YTHDC2: variants seen among roughly 807,000 people sequenced by gnomAD.
YTHDC2 encodes 3'-5' RNA helicase YTHDC2.
Under a neutral mutation model 174.9 loss-of-function variants are expected in YTHDC2, and 45 were observed. The ratio of observed to expected loss-of-function variants is 0.26; its 90% CI spans 0.20 to 0.33. The LOEUF is 0.33. YTHDC2 is among the 10% of genes least tolerant of loss of function. The pLI, the probability that YTHDC2 is intolerant of heterozygous loss-of-function variation, is 1.00. For missense variants in YTHDC2, 1,650 were observed against 1,723.7 expected, an observed-to-expected ratio of 0.96 and a Z score of 0.76; for synonymous variants, 657 against 574.5, an observed-to-expected ratio of 1.14 and a Z score of -2.05.
chr5:113,590,596 T>C (rs1778954695), intron 26 of YTHDC2, among the ~76,000 whole-genome samples: 1 of 152,214 alleles, frequency 6.6e-6, no homozygotes, highest in Admixed American at 6.5e-5. Flanking sequence ...TCTAAGATAG[T>C]ACATTGCCAT....
chr5:113,552,064 T>C (rs1366975004), intron 12 of YTHDC2, among the ~76,000 whole-genome samples: 1 of 152,154 alleles, frequency 6.6e-6, no homozygotes. Flanking sequence ...CTGAGTTTTT[T>C]AAAAATGTGA....
intron 6 of YTHDC2, among the ~76,000 whole-genome samples, chr5:113,535,422 C>T (rs1298301143): frequency 3.3e-5 from 5 of 152,034 alleles, no homozygotes; most frequent in Non-Finnish European, 7.4e-5. Flanking sequence ...AACCATTCAC[C>T]CACAGATGCC....
rs1425442589 is a variant in YTHDC2, at chr5:113,529,883, A to AT, written c.676-2995dup. ...CAATATTTTTCTAGGGCTTTGGGGC[A>AT]TGTTAAGAGAGGCATTTCCTACCCT... On this transcript the variant is annotated intron_variant, in intron 4 of 29. Coordinates refer to ENST00000161863, the MANE Select transcript of YTHDC2 (RefSeq NM_022828.5). Among the ~76,000 whole-genome samples, 17 of 152,174 alleles carry AT rather than the reference A, an allele frequency of 1.1e-4. No homozygotes were observed. In the South Asian group the frequency reaches 1.7e-3, roughly 15 times the overall value.
At chr5:113,562,167 A>G (rs1310754588) in intron 18 of YTHDC2, among the ~76,000 whole-genome samples, 1 of 148,622 alleles carries the variant, frequency 6.7e-6, no homozygotes, top group African/African-American at 2.5e-5. Context: ...ATGATTTCCC[A>G]CTTCCCAATG....
chr5:113,563,534 T>A lies in YTHDC2; in HGVS notation c.2442+42T>A, dbSNP rs759143740. On this transcript the variant is annotated intron_variant, in intron 19 of 29. Transcript: ENST00000161863. ...TTTTATTTTACATGACATTTTTACT[T>A]GAAATTTTAAACTAAAAGGAAATAT... 3 of 1,542,398 alleles carry A rather than the reference T, an allele frequency of 1.9e-6. No individual in the cohort carries two copies. The African/African-American group carries it at 4.2e-5, about 21-fold the overall frequency.
Position 113,563,380 on chromosome 5 carries a change from G to A in YTHDC2, c.2330G>A (p.Cys777Tyr), listed in dbSNP as rs1482157531. 2.2e-5 allele frequency: 35 copies of A among 1,609,048 alleles called. No homozygotes were observed. Among genetic ancestry groups the A allele is most frequent in the Non-Finnish European group, 2.9e-5 (34 of 1,177,592 alleles). The change falls in exon 19 of 30, where the codon TGC becomes TAC. Residue 777 changes from cysteine to tyrosine, a missense_variant. Cys to Tyr is a radical substitution (Grantham distance 194). Transcript: ENST00000161863. Reference sequence around the variant, plus strand: ...TACTGTTTTGGTTTATAGGAACTTTGCTTACATACCAAGCTGTTAGCCCCA... The same window carrying A: ...TACTGTTTTGGTTTATAGGAACTTTACTTACATACCAAGCTGTTAGCCCCA... The part of the protein sequence containing the change: ...ELLRMPLQEL[C>Y]LHTKLLAPVN...
intron 3 of YTHDC2, among the ~76,000 whole-genome samples, chr5:113,525,464 C>A (rs979485487): frequency 6.6e-6 from 1 of 151,916 alleles, no homozygotes; most frequent in Non-Finnish European, 1.5e-5. Context: ...TATATGGGGC[C>A]TCCTAGCAAC....
chr5:113,538,552 A>C (rs140186524), intron 7 of YTHDC2, among the ~76,000 whole-genome samples: 2 of 152,030 alleles, frequency 1.3e-5, no homozygotes, highest in Non-Finnish European at 2.9e-5. Context: ...TTTCATCATC[A>C]TTATACACTT....
rs1318276392 is a variant in YTHDC2 at position 113,581,703 on chromosome 5, C to A, written c.3641C>A (p.Ala1214Glu). 10 of 1,521,988 alleles carry A rather than the reference C, an allele frequency of 6.6e-6. No homozygotes were observed. Among genetic ancestry groups the A allele is most frequent in the Non-Finnish European group, 7.9e-6 (9 of 1,135,028 alleles). The allele number at this position is 1,521,988 out of a possible 1,614,324, so 94.3% of individuals were successfully genotyped here. A position where few individuals can be genotyped will look rare whatever the true frequency, so the allele number is the denominator to read the frequency against. Reference sequence around the variant, plus strand: ...GAATTTTCTGATGAGTGTACTACTGCAGAAAGGTAAATTTATGACATTTTA... The same window carrying A: ...GAATTTTCTGATGAGTGTACTACTGAAGAAAGGTAAATTTATGACATTTTA... Reference protein sequence around the residue: ...DTEFSDECTTAERVLMKSPSP... With the variant: ...DTEFSDECTTEERVLMKSPSP... Residue 1214 changes from alanine (A) to glutamate (E), a missense_variant, in exon 25 of 30, where the codon GCA becomes GAA. Ala to Glu is a moderately radical substitution (Grantham distance 107, BLOSUM62 -1). Transcript: ENST00000161863.
rs145439600 is a variant in YTHDC2, at chr5:113,535,668, T to C, written c.972T>C (p.Phe324=). ...ATGAAGTGCATGAAAGGGATCGATT[T>C]AGTGATTTTTTACTTACAAAGTTAA... is the stretch of plus-strand genomic sequence containing the variant. ...IVDEVHERDR[F]SDFLLTKLRD... The change falls in exon 7 of 30, where the codon TTT becomes TTC. Residue 324 remains phenylalanine, a synonymous_variant. Transcript: ENST00000161863. The C allele has an allele frequency of 0.014, 22,932 of 1,613,310 alleles. 231 individuals carry two copies. Among genetic ancestry groups the C allele is most frequent in the Middle Eastern group, 0.021 (125 of 6,052 alleles).
intron 23 of YTHDC2, among the ~76,000 whole-genome samples, chr5:113,575,953 G>C (rs951269138): frequency 1.1e-4 from 15 of 135,160 alleles, no homozygotes; most frequent in Non-Finnish European, 1.9e-4. Context: ...TGGGTAGTAA[G>C]GGAAAGGGAG....
chr5:113,538,073 G>A (rs1203058003), intron 7 of YTHDC2, among the ~76,000 whole-genome samples: 1 of 152,022 alleles, frequency 6.6e-6, no homozygotes, highest in Non-Finnish European at 1.5e-5. Context: ...GACATCAAAG[G>A]ACTATATTTG....
At chr5:113,577,822 T>C (rs1413011794) in intron 23 of YTHDC2, among the ~76,000 whole-genome samples, 1 of 152,214 alleles carries the variant, frequency 6.6e-6, no homozygotes, top group Non-Finnish European at 1.5e-5. Flanking sequence ...AAGATTCTTT[T>C]GTTGCTGTTT....
chr5:113,518,450 C>T (rs1177192096), intron 2 of YTHDC2, among the ~76,000 whole-genome samples: 1 of 152,008 alleles, frequency 6.6e-6, no homozygotes, highest in Non-Finnish European at 1.5e-5. Context: ...AATCCTCCCT[C>T]ATTGGCCTCC....
chr5:113,550,410 A>G (rs1291778130), intron 12 of YTHDC2, among the ~76,000 whole-genome samples: 3 of 152,190 alleles, frequency 2.0e-5, no homozygotes. Context: ...TCTAGGAAAA[A>G]CAAAAAGTTA....
intron 2 of YTHDC2, among the ~76,000 whole-genome samples, chr5:113,523,782 A>G (rs1291174753): frequency 6.6e-6 from 1 of 152,096 alleles, no homozygotes; most frequent in Non-Finnish European, 1.5e-5. Flanking sequence ...TATCACTCTT[A>G]TGGTGAAGAT....
chr5:113,522,742 C>A (rs1773964165), intron 2 of YTHDC2, among the ~76,000 whole-genome samples: 1 of 152,090 alleles, frequency 6.6e-6, no homozygotes, highest in African/African-American at 2.4e-5. Context: ...TCCATCCTCA[C>A]AACAATGAGG....
At chr5:113,581,353 A>C in intron 24 of YTHDC2, 64 bp from the exon 25 acceptor site, 1 of 1,388,058 alleles carries the variant, frequency 7.2e-7, no homozygotes, top group Non-Finnish European at 9.4e-7. Flanking sequence ...ATGGAAACTA[A>C]TCAACACATA....
intron 27 of YTHDC2, 100 bp downstream of exon 27, chr5:113,591,344 A>G (rs1778994628): frequency 2.5e-6 from 3 of 1,202,502 alleles, no homozygotes; most frequent in Admixed American, 1.9e-5. Context: ...ATCAGAATGC[A>G]AGAATGCCTT....
Sources: gnomAD v4.1 joint callset for allele counts (sites outside exome capture counted in the v4.1 genomes callset) on GRCh38, gnomAD v4.1.1 for gene constraint, MANE v1.5 for transcripts, NCBI Gene and HGNC (gene_info 2026-07-23, HGNC 2026-07-21) for gene names.